The following SNX29 variants were observed in gnomAD, a reference collection of about 807,000 sequenced individuals.
SNX29 encodes the protein sorting nexin-29.
SNX29 carries 78 observed loss-of-function variants against 102.1 expected under a neutral mutation model. That is an observed-to-expected ratio of 0.76 (90% CI 0.64 to 0.92). The LOEUF (loss-of-function observed/expected upper bound fraction) is 0.92. Among genes scored for constraint, SNX29 ranks in the 40% least tolerant of loss-of-function variants. The pLI, the probability that SNX29 is intolerant of heterozygous loss-of-function variation, is 0.00. For synonymous variants in SNX29, 580 were observed against 414.5 expected (o/e 1.40, Z -4.85); for missense variants, 1,280 against 1,061.7 (o/e 1.21, Z -2.86).
chr16:12,553,102 G>C (rs1259919257), intron 20 of SNX29, among the ~76,000 whole-genome samples: 1 of 147,592 alleles, frequency 6.8e-6, no homozygotes, highest in Non-Finnish European at 1.5e-5. Context: ...GCTTGGCCTG[G>C]GGCTTTCAGG....
chr16:12,003,399 A>G (rs1342690084), intron 3 of SNX29, among the ~76,000 whole-genome samples: 1 of 152,256 alleles, frequency 6.6e-6, no homozygotes, highest in African/African-American at 2.4e-5. Context: ...AATAAAATAT[A>G]GTGCATTAAT....
intron 11 of SNX29, among the ~76,000 whole-genome samples, chr16:12,118,468 T>TAC (rs2053833414): frequency 6.6e-6 from 1 of 151,714 alleles, no homozygotes; most frequent in Non-Finnish European, 1.5e-5. Context: ...TACAGGTGCC[T>TAC]GCCACCATGC....
intron 13 of SNX29, among the ~76,000 whole-genome samples, chr16:12,161,419 C>T (rs1196442212): frequency 6.6e-6 from 1 of 152,152 alleles, no homozygotes; most frequent in African/African-American, 2.4e-5. Context: ...GGCAGTTACT[C>T]TCTCGTCTTC....
intron 20 of SNX29, among the ~76,000 whole-genome samples, chr16:12,546,053 G>C (rs535454889): frequency 6.6e-6 from 1 of 152,198 alleles, no homozygotes; most frequent in Non-Finnish European, 1.5e-5. Context: ...CATGATGGGA[G>C]TGAAGCAGTC....
intron 20 of SNX29, among the ~76,000 whole-genome samples, chr16:12,560,062 T>C (rs552986946): frequency 1.2e-4 from 18 of 152,108 alleles, no homozygotes; most frequent in South Asian, 2.1e-4. Flanking sequence ...ACTAGAAAAC[T>C]ATGTAACTAC....
chr16:12,357,898 T>C (rs2082187312), intron 16 of SNX29, among the ~76,000 whole-genome samples: 1 of 152,250 alleles, frequency 6.6e-6, no homozygotes. Flanking sequence ...ATCTCTGTAG[T>C]GTGATTCGAT....
intron 13 of SNX29, among the ~76,000 whole-genome samples, chr16:12,155,928 A>C (rs1240393629): frequency 1.3e-5 from 2 of 152,230 alleles, no homozygotes; most frequent in Non-Finnish European, 2.9e-5. Flanking sequence ...CCTTCGAAGT[A>C]AAGCCAAAGC....
intron 15 of SNX29, among the ~76,000 whole-genome samples, chr16:12,341,419 A>G (rs1167477935): frequency 6.6e-6 from 1 of 152,238 alleles, no homozygotes; most frequent in Non-Finnish European, 1.5e-5. Flanking sequence ...TTTCAGGCCC[A>G]TTGTGAGAGA....
chr16:12,202,695 C>T (rs1432117607), intron 14 of SNX29, among the ~76,000 whole-genome samples: 1 of 152,096 alleles, frequency 6.6e-6, no homozygotes, highest in Non-Finnish European at 1.5e-5. Context: ...AGGAGGCGAT[C>T]CTCCTCCTCT....
At chr16:12,453,215 G>T (rs1295578024) in intron 18 of SNX29, among the ~76,000 whole-genome samples, 2 of 152,198 alleles carry the variant, frequency 1.3e-5, no homozygotes, top group African/African-American at 4.8e-5. Flanking sequence ...CTATTCACCT[G>T]TCCATGGCAG....
chr16:12,264,584 C>T (rs186623463), intron 14 of SNX29, among the ~76,000 whole-genome samples: 17 of 152,294 alleles, frequency 1.1e-4, no homozygotes, highest in Non-Finnish European at 2.1e-4. Flanking sequence ...GAGCTTGAGA[C>T]GAGCCTGGCT....
chr16:12,418,596 C>A (rs1227767430), intron 18 of SNX29, among the ~76,000 whole-genome samples: 1 of 151,962 alleles, frequency 6.6e-6, no homozygotes, highest in Non-Finnish European at 1.5e-5. Flanking sequence ...CTCACTGCAA[C>A]CTCCACCTCC....
chr16:11,994,615 A>G (rs1281646692), intron 1 of SNX29, among the ~76,000 whole-genome samples: 1 of 152,082 alleles, frequency 6.6e-6, no homozygotes, highest in African/African-American at 2.4e-5. Flanking sequence ...ACTGAATGGA[A>G]CCACTTTTCC....
chr16:12,433,856 C>A (rs1289095879), intron 18 of SNX29, among the ~76,000 whole-genome samples: 1 of 152,126 alleles, frequency 6.6e-6, no homozygotes, highest in East Asian at 1.9e-4. Context: ...AACTAATGAT[C>A]AAAGGCCCTA....
chr16:12,539,387 CAGCATGTGTGAGA>C, intron 20 of SNX29, among the ~76,000 whole-genome samples: 1 of 152,118 alleles, frequency 6.6e-6, no homozygotes, highest in Non-Finnish European at 1.5e-5. Context: ...TGGCGTCTTT[CAGCATGTGTGAGA>C]ACCGTCAAGT....
At chr16:12,334,921 T>TTA (rs56233203) in intron 15 of SNX29, among the ~76,000 whole-genome samples, 3 of 149,216 alleles carry the variant, frequency 2.0e-5, no homozygotes, top group African/African-American at 7.4e-5. Flanking sequence ...TTTTTTTTTT[T>TTA]AAAAAGCAAC....
intron 20 of SNX29, among the ~76,000 whole-genome samples, chr16:12,544,709 C>T (rs1360256520): frequency 1.3e-5 from 2 of 152,194 alleles, no homozygotes; most frequent in Non-Finnish European, 2.9e-5. Context: ...CTCCACCATC[C>T]CTTTAATAGG....
At chr16:12,547,900 G>A (rs11649429) in intron 20 of SNX29, among the ~76,000 whole-genome samples, 12 of 152,170 alleles carry the variant, frequency 7.9e-5, no homozygotes, top group Non-Finnish European at 1.5e-4. Context: ...GGGCTGTATA[G>A]GAGCTGCTCT....
At chr16:12,167,814 G>T (rs1243766695) in intron 13 of SNX29, among the ~76,000 whole-genome samples, 1 of 152,170 alleles carries the variant, frequency 6.6e-6, no homozygotes, top group Non-Finnish European at 1.5e-5. Context: ...GTCACCTGCA[G>T]GGCCACCGTT....
Sources: allele counts gnomAD v4.1 joint callset (sites outside exome capture counted in the v4.1 genomes callset), GRCh38; gene constraint gnomAD v4.1.1; transcripts MANE v1.5; gene names NCBI Gene and HGNC (gene_info 2026-07-23, HGNC 2026-07-21).